Variants in NR5A2 observed in about 807,000 individuals in gnomAD.
The protein encoded by NR5A2 is CYP7A promoter-binding factor.
A neutral mutation model predicts 62.7 loss-of-function variants in NR5A2; 26 were observed. The observed-to-expected ratio is 0.41, with a 90% confidence interval of 0.30 to 0.58. The LOEUF (loss-of-function observed/expected upper bound fraction) is 0.58. Ranked by LOEUF, NR5A2 falls within the 20% of genes least tolerant of loss-of-function variation. NR5A2 has a pLI of 0.22. For synonymous variants in NR5A2, 246 were observed against 241.7 expected (o/e 1.02, Z -0.16); for missense variants, 541 against 669.1 (o/e 0.81, Z 2.11).
At position 200,149,281 on chromosome 1, in the gene NR5A2, A is replaced by G. The variant is rs192970367; in HGVS notation, c.1379-24682A>G. 2.7e-3 allele frequency among the ~76,000 whole-genome samples: 410 copies of G among 152,280 alleles called. 1 individual carries two copies. The highest frequency in any genetic ancestry group is 4.3e-3 in the Non-Finnish European group (295 of 68,020). On this transcript the variant is annotated intron_variant, in intron 7 of 7. Coordinates refer to ENST00000367362, the MANE Select transcript of NR5A2 (RefSeq NM_205860.3). The stretch of plus-strand genomic sequence containing the variant: ...TGCTGTTTACTGGCACACATATTCA[A>G]AAGAGTGACCATGGCTGATGAGTGT...
chr1:200,163,207 A>G (rs957875063), intron 7 of NR5A2, among the ~76,000 whole-genome samples: 2 of 151,886 alleles, frequency 1.3e-5, no homozygotes, highest in Non-Finnish European at 2.9e-5. Context: ...AATTCTACAC[A>G]AAATAAAAAT....
intron 5 of NR5A2, among the ~76,000 whole-genome samples, chr1:200,059,954 C>T (rs1013722650): frequency 2.0e-5 from 3 of 152,234 alleles, no homozygotes; most frequent in African/African-American, 4.8e-5. Flanking sequence ...ACATAAACCA[C>T]GTCACCTAAC....
chr1:200,147,626 G>T lies in NR5A2; in HGVS notation c.1379-26337G>T. 1.4e-6 allele frequency: 1 copy of T among 714,014 alleles called. No homozygotes were observed. The highest frequency in any genetic ancestry group is 2.6e-6 in the Non-Finnish European group (1 of 380,872). 44.2% of individuals were successfully genotyped at this position (714,014 alleles called of 1,614,324 possible). ...ACATTTTCGCACAGGCAGCGCCGCAGCTTGCCCTGGATCTTGTCGATTGAG... is the reference window on the plus strand; with the variant it reads ...ACATTTTCGCACAGGCAGCGCCGCATCTTGCCCTGGATCTTGTCGATTGAG... On this transcript the variant is annotated intron_variant, in intron 7 of 7. Transcript: ENST00000367362. This position sits in a 1 kb window ranked among gnomAD's most constrained non-coding sequence, Gnocchi z 4.9.
At chr1:200,171,840 A>G (rs1654195503) in intron 7 of NR5A2, among the ~76,000 whole-genome samples, 1 of 152,250 alleles carries the variant, frequency 6.6e-6, no homozygotes, top group African/African-American at 2.4e-5. Flanking sequence ...ACCAAAACTT[A>G]TGATCTAGCC....
intron 7 of NR5A2, among the ~76,000 whole-genome samples, chr1:200,153,715 A>G (rs1251718580): frequency 6.6e-6 from 1 of 152,142 alleles, no homozygotes. Flanking sequence ...TGTACTAAGA[A>G]TGAGACAATA....
At chr1:200,052,681 G>T (rs1456598959) in intron 5 of NR5A2, among the ~76,000 whole-genome samples, 1 of 150,498 alleles carries the variant, frequency 6.6e-6, no homozygotes, top group Non-Finnish European at 1.5e-5. Context: ...TTGCTTTGTC[G>T]CCCAGGTTGG....
At chr1:200,092,800 T>C (rs557644967) in intron 5 of NR5A2, among the ~76,000 whole-genome samples, 219 of 151,858 alleles carry the variant, frequency 1.4e-3, no homozygotes, top group African/African-American at 5.1e-3. Flanking sequence ...CTCAAAAGTA[T>C]GGATCACATT....
rs1029448037 is a variant in NR5A2, at chr1:200,038,865, G to C, written c.65-793G>C. On this transcript the variant is annotated intron_variant, in intron 1 of 7. Transcript: ENST00000367362. The stretch of plus-strand genomic sequence containing the variant: ...GTGAAGAGGTTGGGGCAGGCCGGGG[G>C]ACTGGAGCCTGAGCCTCATCCTTAT... 2.0e-5 allele frequency: 16 copies of C among 789,552 alleles called. No homozygotes were observed. The African/African-American group carries it at 3.0e-4, about 15-fold the overall frequency. The allele number at this position is 789,552 out of a possible 1,614,324, so 48.9% of individuals were successfully genotyped here. A position where few individuals can be genotyped will look rare whatever the true frequency, so the allele number is the denominator to read the frequency against.
At chr1:200,093,714 T>C (rs1664926401) in intron 5 of NR5A2, among the ~76,000 whole-genome samples, 1 of 152,238 alleles carries the variant, frequency 6.6e-6, no homozygotes, top group Non-Finnish European at 1.5e-5. Context: ...TTGTAGTCTA[T>C]AGACTCCTCC....
At chr1:200,166,424 C>G (rs1172994958) in intron 7 of NR5A2, among the ~76,000 whole-genome samples, 2 of 152,118 alleles carry the variant, frequency 1.3e-5, no homozygotes, top group Non-Finnish European at 2.9e-5. Context: ...AAATTTCCTT[C>G]AAAATCTCAA....
chr1:200,156,120 T>C (rs1027631896), intron 7 of NR5A2, among the ~76,000 whole-genome samples: 3 of 152,192 alleles, frequency 2.0e-5, no homozygotes, highest in African/African-American at 7.2e-5. Context: ...ATGGGGGTCA[T>C]GTGAAGAGTC....
intron 5 of NR5A2, among the ~76,000 whole-genome samples, chr1:200,086,012 C>A (rs904627856): frequency 6.6e-6 from 1 of 152,238 alleles, no homozygotes; most frequent in East Asian, 1.9e-4. Flanking sequence ...GGTCCATAGT[C>A]ACCTCTGTCC....
At chr1:200,144,233 T>TCTCTCACACACACACACA (rs1446217306) in intron 7 of NR5A2, among the ~76,000 whole-genome samples, 19 of 80,120 alleles carry the variant, frequency 2.4e-4, no homozygotes, top group African/African-American at 7.5e-4. Context: ...TCTCTCTCTC[T>TCTCTCACACACACACACA]CACACACACA....
Position 200,062,227 on chromosome 1 carries a change from T to TTGTGTGTGTGTGTGTGTGTGTGTGTGTG in NR5A2, c.1110+13413_1110+13440dup, listed in dbSNP as rs6143563. 3.8e-3 allele frequency among the ~76,000 whole-genome samples: 552 copies of TTGTGTGTGTGTGTGTGTGTGTGTGTGTG among 145,712 alleles called. 4 individuals are homozygous for TTGTGTGTGTGTGTGTGTGTGTGTGTGTG. The highest frequency in any genetic ancestry group is 5.0e-3 in the Non-Finnish European group (333 of 66,512). On this transcript the variant is annotated intron_variant, in intron 5 of 7. Coordinates refer to ENST00000367362, the MANE Select transcript of NR5A2 (RefSeq NM_205860.3). ...CCCAAATAATTCTCCCTGGCAGATT[T>TTGTGTGTGTGTGTGTGTGTGTGTGTGTG]TGTGTGTGTGTGTGTGTGTGTGTGT... is the stretch of plus-strand genomic sequence containing the variant.
chr1:200,137,128 C>T (rs1275830112), intron 7 of NR5A2, among the ~76,000 whole-genome samples: 2 of 150,278 alleles, frequency 1.3e-5, no homozygotes, highest in South Asian at 2.1e-4. Flanking sequence ...AGCCACTGTG[C>T]CTGGCCAGAT....
intron 5 of NR5A2, among the ~76,000 whole-genome samples, chr1:200,059,221 C>A (rs1370449018): frequency 6.6e-6 from 1 of 152,144 alleles, no homozygotes; most frequent in Admixed American, 6.6e-5. Flanking sequence ...GCAGAGACTT[C>A]AGCCTCATTT....
At chr1:200,103,438 G>T (rs945976268) in intron 5 of NR5A2, among the ~76,000 whole-genome samples, 1 of 152,096 alleles carries the variant, frequency 6.6e-6, no homozygotes, top group Non-Finnish European at 1.5e-5. Context: ...AAGCTTTTAG[G>T]ACAGTGCCTG....
intron 5 of NR5A2, among the ~76,000 whole-genome samples, chr1:200,093,151 A>G (rs556169771): frequency 2.5e-4 from 38 of 152,102 alleles, no homozygotes; most frequent in African/African-American, 8.4e-4. Context: ...TGATCCACCC[A>G]TCTCAGCCTC....
intron 6 of NR5A2, 68 bp from the exon 7 acceptor site, chr1:200,120,714 ATTGCAATCTGATTTTACCCATAGTTC>A: frequency 1.5e-6 from 2 of 1,298,768 alleles, no homozygotes; most frequent in Non-Finnish European, 2.1e-6. Context: ...AAAAACCTGT[ATTGCAATCTGATTTTACCCATAGTTC>A]TTACGACTCA....
Sources: gnomAD v4.1 joint callset for allele counts (sites outside exome capture counted in the v4.1 genomes callset) on GRCh38, gnomAD v4.1.1 for gene constraint, Gnocchi (gnomAD v3.1) non-coding constraint, MANE v1.5 for transcripts, NCBI Gene and HGNC (gene_info 2026-07-23, HGNC 2026-07-21) for gene names.